Variants in CSMD1 observed in about 807,000 individuals in gnomAD.
CSMD1 encodes the protein CUB and Sushi multiple domains 1.
In CSMD1, 213 loss-of-function variants were observed where a neutral mutation model predicts 417.5. That is an observed-to-expected ratio of 0.51 (90% CI 0.46 to 0.57). The LOEUF is 0.57. Ranked by LOEUF, CSMD1 falls within the 20% of genes least tolerant of loss-of-function variation. The pLI, the probability that CSMD1 is intolerant of heterozygous loss-of-function variation, is 0.00. For missense variants in CSMD1, 6,923 were observed against 4,529.7 expected, an observed-to-expected ratio of 1.53 and a Z score of -15.17; for synonymous variants, 2,862 against 1,736.8, an observed-to-expected ratio of 1.65 and a Z score of -16.11.
intron 1 of CSMD1, among the ~76,000 whole-genome samples, chr8:4,860,594 C>T (rs770825885): frequency 2.0e-4 from 30 of 152,026 alleles, no homozygotes; most frequent in Non-Finnish European, 3.2e-4. Context: ...CCAATTAAAA[C>T]TCTCTTCTTT....
chr8:3,504,849 G>T (rs924508618), intron 10 of CSMD1, among the ~76,000 whole-genome samples: 6 of 152,134 alleles, frequency 3.9e-5, no homozygotes, highest in Non-Finnish European at 8.8e-5. Flanking sequence ...CAAGTTGAGA[G>T]TCATGTGAAA....
intron 3 of CSMD1, among the ~76,000 whole-genome samples, chr8:4,123,392 G>T (rs1802593898): frequency 6.6e-6 from 1 of 152,124 alleles, no homozygotes; most frequent in South Asian, 2.1e-4. Context: ...TCTTATCTGG[G>T]TGTGCCACAT....
chr8:4,953,314 C>T (rs9657373), intron 1 of CSMD1, among the ~76,000 whole-genome samples: 2 of 152,044 alleles, frequency 1.3e-5, no homozygotes, highest in Non-Finnish European at 2.9e-5. Flanking sequence ...TATCTATTCA[C>T]AATTGAACTT....
intron 50 of CSMD1, among the ~76,000 whole-genome samples, chr8:3,037,536 C>G (rs1428462312): frequency 2.0e-5 from 3 of 152,130 alleles, no homozygotes; most frequent in Admixed American, 6.5e-5. Context: ...TTTGCTATTG[C>G]AAACTGTGCT....
At chr8:3,110,766 T>A (rs540144248) in intron 42 of CSMD1, among the ~76,000 whole-genome samples, 3 of 152,244 alleles carry the variant, frequency 2.0e-5, no homozygotes, top group Non-Finnish European at 4.4e-5. Flanking sequence ...GTCATCTAAG[T>A]CTACTTGCCT....
At chr8:3,477,069 C>G (rs964518360) in intron 11 of CSMD1, among the ~76,000 whole-genome samples, 51 of 152,212 alleles carry the variant, frequency 3.4e-4, no homozygotes, top group African/African-American at 1.1e-3. Flanking sequence ...CATGTATTTA[C>G]AGTCATAGAT....
In CSMD1 at chr8:2,974,471, C is replaced by T. The variant is rs1206354155; in HGVS notation, c.8720G>A (p.Gly2907Glu). The stretch of plus-strand genomic sequence containing the variant: ...CTCACCTGTGCAGTGGGGCAGTGCC[C>T]CGCTCCAGTGACTGTCTTCCTGGCA... ...RVCQEDSHWSGALPHCTGNNP... is the reference protein window; with the variant it reads ...RVCQEDSHWSEALPHCTGNNP... Residue 2907 changes from glycine to glutamate, a missense_variant, in exon 56 of 70, where the codon GGG (glycine) becomes GAG (glutamate). Coordinates refer to ENST00000635120, the MANE Select transcript of CSMD1 (RefSeq NM_033225.6). 2.5e-6 allele frequency: 4 copies of T among 1,610,566 alleles called. No homozygotes were observed. Among genetic ancestry groups the T allele is most frequent in the Admixed American group, 1.7e-5 (1 of 59,776 alleles).
At chr8:4,344,600 G>A (rs933730417) in intron 3 of CSMD1, among the ~76,000 whole-genome samples, 1 of 151,384 alleles carries the variant, frequency 6.6e-6, no homozygotes, top group East Asian at 1.9e-4. Context: ...GACTCGCTGG[G>A]TTATGAGTTA....
intron 5 of CSMD1, among the ~76,000 whole-genome samples, chr8:3,887,744 A>C (rs1366513815): frequency 6.6e-6 from 1 of 152,228 alleles, no homozygotes; most frequent in Non-Finnish European, 1.5e-5. Flanking sequence ...GAAAAAACTC[A>C]GATTACTGTA....
chr8:3,265,080 T>C (rs540693346), intron 26 of CSMD1, among the ~76,000 whole-genome samples: 3 of 152,276 alleles, frequency 2.0e-5, no homozygotes, highest in East Asian at 3.9e-4. Context: ...CACAAATCTG[T>C]TGAATAGCTG....
intron 18 of CSMD1, among the ~76,000 whole-genome samples, chr8:3,373,892 C>T (rs1810138122): frequency 1.3e-5 from 2 of 151,430 alleles, no homozygotes; most frequent in South Asian, 4.2e-4. Flanking sequence ...CATTGAAGAA[C>T]AAAAGAGGAG....
At chr8:3,354,811 CTA>C (rs56109088) in intron 21 of CSMD1, among the ~76,000 whole-genome samples, 2 of 146,850 alleles carry the variant, frequency 1.4e-5, no homozygotes, top group African/African-American at 5.1e-5. Context: ...CTCTCTCTCT[CTA>C]TATATATCTA....
chr8:3,542,381 C>T (rs1380780262), intron 10 of CSMD1, among the ~76,000 whole-genome samples: 3 of 152,144 alleles, frequency 2.0e-5, no homozygotes, highest in Non-Finnish European at 4.4e-5. Flanking sequence ...TTTTATTTTA[C>T]AAATATATTT....
chr8:3,830,309 G>A (rs553557672), intron 5 of CSMD1, among the ~76,000 whole-genome samples: 22 of 152,294 alleles, frequency 1.4e-4, no homozygotes, highest in African/African-American at 4.8e-4. Flanking sequence ...CAAACTAAGC[G>A]TCAGCCTTCA....
chr8:4,085,223 T>C (rs1287391469), intron 3 of CSMD1, among the ~76,000 whole-genome samples: 1 of 152,210 alleles, frequency 6.6e-6, no homozygotes, highest in African/African-American at 2.4e-5. Flanking sequence ...ACATGAATCA[T>C]CTGATTGATT....
chr8:4,841,208 GAT>G (rs1419766685), intron 1 of CSMD1, among the ~76,000 whole-genome samples: 1 of 152,194 alleles, frequency 6.6e-6, no homozygotes, highest in Non-Finnish European at 1.5e-5. Flanking sequence ...ACATTATGTT[GAT>G]ATATCTAGAT....
chr8:4,791,124 G>A (rs942994431), intron 1 of CSMD1, among the ~76,000 whole-genome samples: 3 of 152,126 alleles, frequency 2.0e-5, no homozygotes, highest in African/African-American at 7.2e-5. Flanking sequence ...GAGACGGGGA[G>A]GGAGAAACTT....
intron 10 of CSMD1, among the ~76,000 whole-genome samples, chr8:3,524,296 C>A (rs562571669): frequency 2.0e-5 from 3 of 151,252 alleles, no homozygotes; most frequent in African/African-American, 4.9e-5. Context: ...TGCACACACA[C>A]GTACACTCAG....
rs141929133 is a variant in CSMD1 at position 4,155,384 on chromosome 8, G to C, written c.416-123285C>G. 1.7e-4 allele frequency among the ~76,000 whole-genome samples: 26 copies of C among 152,314 alleles called. No individual in the cohort carries two copies. In the East Asian group the frequency reaches 2.5e-3, roughly 15 times the overall value. ...ACGCTGCTTCTAATGCTCTGCTGTA[G>C]ATCACATTCCTTTTACTTTATAAAT... On this transcript the variant is annotated intron_variant, in intron 3 of 69. Transcript: ENST00000635120.
Sources: allele counts gnomAD v4.1 joint callset (sites outside exome capture counted in the v4.1 genomes callset), GRCh38; gene constraint gnomAD v4.1.1; transcripts MANE v1.5; gene names NCBI Gene and HGNC (gene_info 2026-07-23, HGNC 2026-07-21).